ARHGAP15: variants seen among roughly 807,000 people sequenced by gnomAD.
The protein encoded by ARHGAP15 is rho GTPase-activating protein 15.
In ARHGAP15, 51 loss-of-function variants were observed where a neutral mutation model predicts 63.7. The ratio of observed to expected loss-of-function variants is 0.80; its 90% CI spans 0.64 to 1.01. The LOEUF is 1.01. Ranked by LOEUF, ARHGAP15 falls within the 50% of genes least tolerant of loss-of-function variation. The pLI is 0.00. For synonymous variants in ARHGAP15, 191 were observed against 193.8 expected (o/e 0.99, Z 0.12); for missense variants, 560 against 564.6 (o/e 0.99, Z 0.08).
chr2:143,372,366 A>T (rs1259402589), intron 6 of ARHGAP15, among the ~76,000 whole-genome samples: 1 of 151,070 alleles, frequency 6.6e-6, no homozygotes, highest in Non-Finnish European at 1.5e-5. Context: ...AAAAAAAAAA[A>T]AAAAAGGACC....
intron 9 of ARHGAP15, among the ~76,000 whole-genome samples, chr2:143,508,727 C>T (rs1021917420): frequency 4.3e-4 from 12 of 28,234 alleles, no homozygotes; most frequent in South Asian, 1.3e-3. Context: ...GAATTTCATG[C>T]GCACAGTGTC....
intron 11 of ARHGAP15, among the ~76,000 whole-genome samples, chr2:143,567,274 C>T (rs1275708459): frequency 6.6e-6 from 1 of 152,138 alleles, no homozygotes; most frequent in African/African-American, 2.4e-5. Context: ...CTAGCTCTTA[C>T]TGTGCCTTCA....
chr2:143,399,156 C>G (rs1375048106), intron 6 of ARHGAP15, among the ~76,000 whole-genome samples: 1 of 152,064 alleles, frequency 6.6e-6, no homozygotes, highest in East Asian at 1.9e-4. Flanking sequence ...CCACCTGACA[C>G]TTTATGGACT....
chr2:143,698,528 G>T (rs947867274), intron 12 of ARHGAP15, among the ~76,000 whole-genome samples: 4 of 151,528 alleles, frequency 2.6e-5, no homozygotes, highest in Admixed American at 2.0e-4. Flanking sequence ...TTACAACAAT[G>T]AGTTTGATGT....
intron 2 of ARHGAP15, 143 bp from the exon 3 acceptor site, chr2:143,201,990 CA>C (rs1209213945): frequency 1.5e-6 from 1 of 689,488 alleles, no homozygotes; most frequent in Non-Finnish European, 2.6e-6. Flanking sequence ...TTAAATTAGT[CA>C]ATGTCCAAAA....
intron 10 of ARHGAP15, among the ~76,000 whole-genome samples, chr2:143,544,871 C>G (rs897244700): frequency 6.6e-6 from 1 of 152,132 alleles, no homozygotes; most frequent in African/African-American, 2.4e-5. Flanking sequence ...TTAGTAATAT[C>G]CACTACGCAG....
chr2:143,133,416 G>A (rs1239481924), intron 1 of ARHGAP15, among the ~76,000 whole-genome samples: 1 of 152,166 alleles, frequency 6.6e-6, no homozygotes, highest in Non-Finnish European at 1.5e-5. Flanking sequence ...TACGTAATTG[G>A]ATGTCCACAC....
intron 6 of ARHGAP15, among the ~76,000 whole-genome samples, chr2:143,313,856 C>T (rs1409125347): frequency 6.6e-6 from 1 of 151,812 alleles, no homozygotes; most frequent in Non-Finnish European, 1.5e-5. Context: ...GAACTTTTAA[C>T]ATTCATGCTG....
intron 6 of ARHGAP15, among the ~76,000 whole-genome samples, chr2:143,370,839 G>T (rs1558926160): frequency 6.6e-6 from 1 of 152,182 alleles, no homozygotes; most frequent in East Asian, 1.9e-4. Flanking sequence ...CTCTACTATG[G>T]TATCTTGTAA....
rs77773486 is a variant in ARHGAP15 at position 143,146,499 on chromosome 2, T to C, written c.-14-8978T>C. Among the ~76,000 whole-genome samples, 1,450 of 152,124 alleles carry C rather than the reference T, an allele frequency of 9.5e-3. 22 individuals carry two copies. Among genetic ancestry groups the C allele is most frequent in the African/African-American group, 0.033 (1,356 of 41,536 alleles). Reference sequence around the variant, plus strand: ...AGGTGGGTAGTGAGTGGAACAGAGCTGTGCGGGGATTCTGGAGTGCTGATA... The same window carrying C: ...AGGTGGGTAGTGAGTGGAACAGAGCCGTGCGGGGATTCTGGAGTGCTGATA... On this transcript the variant is annotated intron_variant, in intron 1 of 13. Coordinates refer to ENST00000295095, the MANE Select transcript of ARHGAP15 (RefSeq NM_018460.4).
intron 12 of ARHGAP15, among the ~76,000 whole-genome samples, chr2:143,660,818 A>G (rs1461746574): frequency 6.6e-6 from 1 of 152,226 alleles, no homozygotes; most frequent in Non-Finnish European, 1.5e-5. Context: ...CAAATAACAC[A>G]AGGCTGTGTC....
At chr2:143,527,352 T>A (rs772601692) in intron 10 of ARHGAP15, among the ~76,000 whole-genome samples, 24 of 152,074 alleles carry the variant, frequency 1.6e-4, no homozygotes, top group Non-Finnish European at 3.2e-4. Flanking sequence ...TGGGAGGTTA[T>A]CTTATAGACG....
chr2:143,243,858 C>A (rs1281757404), intron 5 of ARHGAP15, among the ~76,000 whole-genome samples: 1 of 152,078 alleles, frequency 6.6e-6, no homozygotes, highest in Non-Finnish European at 1.5e-5. Flanking sequence ...TTATTAGGAC[C>A]ATTTTTACAC....
chr2:143,167,079 C>T (rs1169793181), intron 2 of ARHGAP15, among the ~76,000 whole-genome samples: 1 of 152,016 alleles, frequency 6.6e-6, no homozygotes, highest in Non-Finnish European at 1.5e-5. Context: ...GAAAACTGAA[C>T]ACAGACATAA....
rs1684821968 is a variant in ARHGAP15 at position 143,337,244 on chromosome 2, GAGC to G, written c.474+86647_474+86649del. 3.2e-5 allele frequency among the ~76,000 whole-genome samples: 3 copies of G among 93,810 alleles called. No homozygotes were observed. In the South Asian group the frequency reaches 8.9e-4, roughly 28 times the overall value. The allele number at this position is 93,810 out of a possible 152,430, so 61.5% of individuals were successfully genotyped here. ...ACTTGCTGGTCTAGCTGGAGAGAAA[GAGC>G]AGAAGAAGGTAGCAGAAGATAGGAG... On this transcript the variant is annotated intron_variant, in intron 6 of 13. Transcript: ENST00000295095.
intron 6 of ARHGAP15, among the ~76,000 whole-genome samples, chr2:143,332,973 GAAAAA>G (rs34554225): frequency 9.2e-6 from 1 of 108,414 alleles, no homozygotes; most frequent in Non-Finnish European, 2.0e-5. Flanking sequence ...CATTTAAAAT[GAAAAA>G]AAAAAAAAAA....
intron 8 of ARHGAP15, among the ~76,000 whole-genome samples, chr2:143,473,245 T>C (rs60949579): frequency 0.26 from 40,258 of 152,170 alleles, 6,136 homozygotes; most frequent in East Asian, 0.7. Flanking sequence ...AAGGCCCACC[T>C]AAGCTCCATG....
At chr2:143,181,599 A>G (rs1333800293) in intron 2 of ARHGAP15, among the ~76,000 whole-genome samples, 1 of 152,220 alleles carries the variant, frequency 6.6e-6, no homozygotes, top group Non-Finnish European at 1.5e-5. Context: ...AAACCTCATG[A>G]ACTAACCTCT....
At chr2:143,409,219 G>A (rs954722581) in intron 6 of ARHGAP15, among the ~76,000 whole-genome samples, 1 of 151,782 alleles carries the variant, frequency 6.6e-6, no homozygotes, top group Non-Finnish European at 1.5e-5. Flanking sequence ...CTAACACATT[G>A]ACACATATAT....
Sources: allele counts gnomAD v4.1 joint callset (sites outside exome capture counted in the v4.1 genomes callset), GRCh38; gene constraint gnomAD v4.1.1; transcripts MANE v1.5; gene names NCBI Gene and HGNC (gene_info 2026-07-23, HGNC 2026-07-21).